The following RPTOR variants were observed in gnomAD, a reference collection of about 807,000 sequenced individuals.
RPTOR encodes the protein regulatory-associated protein of mTOR.
A neutral mutation model predicts 169.9 loss-of-function variants in RPTOR; 21 were observed. That is an observed-to-expected ratio of 0.12 (90% CI 0.09 to 0.18). RPTOR has a LOEUF of 0.18. Among genes scored for constraint, RPTOR ranks in the 10% least tolerant of loss-of-function variants. The probability of loss-of-function intolerance (pLI) is 1.00; values close to 1 mark genes in which losing one functional copy is unlikely to be tolerated. For synonymous variants in RPTOR, 732 were observed against 753.2 expected, an observed-to-expected ratio of 0.97 and a Z score of 0.46; for missense variants, 1,133 against 1,855.9, an observed-to-expected ratio of 0.61 and a Z score of 7.16.
At chr17:80,961,983 C>A (rs2069348959) in intron 31 of RPTOR, among the ~76,000 whole-genome samples, 1 of 152,152 alleles carries the variant, frequency 6.6e-6, no homozygotes, top group African/African-American at 2.4e-5. Context: ...ATATAAAAAC[C>A]AAACATAACT....
chr17:80,689,402 C>T (rs1044416975), intron 3 of RPTOR, among the ~76,000 whole-genome samples: 6 of 152,224 alleles, frequency 3.9e-5, no homozygotes, highest in Non-Finnish European at 7.3e-5. Context: ...TCCGTCTTTC[C>T]GAAGCCATCG....
At chr17:80,782,678 C>T (rs937788519) in intron 6 of RPTOR, among the ~76,000 whole-genome samples, 1 of 152,150 alleles carries the variant, frequency 6.6e-6, no homozygotes, top group African/African-American at 2.4e-5. Context: ...GCAGCCCTGG[C>T]TCTCAAGGGG....
At chr17:80,623,482 A>G (rs2065370397) in intron 1 of RPTOR, among the ~76,000 whole-genome samples, 1 of 152,182 alleles carries the variant, frequency 6.6e-6, no homozygotes, top group African/African-American at 2.4e-5. Context: ...CATTCATATA[A>G]TCAAATCAGA....
chr17:80,939,855 C>A (rs2069001845), intron 24 of RPTOR, among the ~76,000 whole-genome samples: 1 of 152,228 alleles, frequency 6.6e-6, no homozygotes, highest in African/African-American at 2.4e-5. Context: ...CCTCAGTGCC[C>A]CCCATTCCCT....
chr17:80,698,817 C>T (rs2066059047), intron 3 of RPTOR, among the ~76,000 whole-genome samples: 1 of 152,240 alleles, frequency 6.6e-6, no homozygotes, highest in South Asian at 2.1e-4. Flanking sequence ...GGAAGGCTGT[C>T]CCGGCCCTCA....
chr17:80,945,677 A>G lies in RPTOR; in HGVS notation c.3036A>G (p.Arg1012=). ...TGTTTCTTTTGACAGGCATTACGAGATTGGACGACCAAATATTTCTGAACA... is the reference window on the plus strand; with the variant it reads ...TGTTTCTTTTGACAGGCATTACGAGGTTGGACGACCAAATATTTCTGAACA... The part of the protein sequence containing the change: ...AQQVIQKGIT[R]LDDQIFLNRN... The change falls in exon 26 of 34, where the codon AGA becomes AGG. Residue 1012 remains arginine (R), a synonymous_variant. Transcript: ENST00000306801. 1 of 1,609,764 alleles carries G rather than the reference A, an allele frequency of 6.2e-7. No homozygotes were observed.
chr17:80,776,622 C>T (rs768752518), intron 6 of RPTOR, among the ~76,000 whole-genome samples: 2 of 152,112 alleles, frequency 1.3e-5, no homozygotes, highest in African/African-American at 4.8e-5. Flanking sequence ...CTGTGCCCGG[C>T]GCTGCCAAAC....
At chr17:80,623,818 G>A (rs1567825014) in intron 1 of RPTOR, among the ~76,000 whole-genome samples, 1 of 152,190 alleles carries the variant, frequency 6.6e-6, no homozygotes, top group Admixed American at 6.5e-5. Context: ...TTACAGGGGT[G>A]AGCCACCGTG....
chr17:80,643,457 T>A (rs1188830432), intron 2 of RPTOR, among the ~76,000 whole-genome samples: 1 of 152,216 alleles, frequency 6.6e-6, no homozygotes, highest in Non-Finnish European at 1.5e-5. Flanking sequence ...GCGGGAAAGC[T>A]GCAGGTGCCG....
intron 9 of RPTOR, among the ~76,000 whole-genome samples, chr17:80,831,734 TC>T (rs2067505933): frequency 1.3e-5 from 2 of 152,098 alleles, no homozygotes; most frequent in South Asian, 2.1e-4. Context: ...TGTCACTGTG[TC>T]ACTGTGTATC....
intron 25 of RPTOR, 67 bp from the exon 26 acceptor site, chr17:80,945,600 T>A (rs920539904): frequency 4.5e-5 from 46 of 1,019,922 alleles, no homozygotes; most frequent in South Asian, 1.4e-4. Flanking sequence ...TCAAAAAAAA[T>A]AAATAAATAA....
chr17:80,950,622 C>T (rs1318906097), intron 28 of RPTOR, among the ~76,000 whole-genome samples: 2 of 152,136 alleles, frequency 1.3e-5, no homozygotes, highest in African/African-American at 2.4e-5. Context: ...GCTCTGCTTC[C>T]CCTGCGAGGC....
rs369113025 is a variant in RPTOR, at chr17:80,754,060, G to T, written c.705G>T (p.Pro235=). The change falls in exon 6 of 34, where the codon CCG becomes CCT. Residue 235 remains proline (P), a synonymous_variant. Coordinates refer to ENST00000306801, the MANE Select transcript of RPTOR (RefSeq NM_020761.3). The surrounding 1 kb of genome is among the most constrained non-coding windows in gnomAD (Gnocchi z 4.2). Reference sequence around the variant, plus strand: ...CTCTTGCTCAGATGCCTTTGCCTCCGTCGATGAAAAACTGCATCCAGCTGG... The same window carrying T: ...CTCTTGCTCAGATGCCTTTGCCTCCTTCGATGAAAAACTGCATCCAGCTGG... The part of the protein sequence containing the change: ...NHPLAQMPLP[P]SMKNCIQLAA... 1 of 1,614,080 alleles carries T rather than the reference G, an allele frequency of 6.2e-7. No homozygotes were observed. Among genetic ancestry groups the T allele is most frequent in the South Asian group, 1.1e-5 (1 of 91,070 alleles).
At chr17:80,645,431 A>C (rs1241937466) in intron 3 of RPTOR, among the ~76,000 whole-genome samples, 1 of 152,250 alleles carries the variant, frequency 6.6e-6, no homozygotes, top group Non-Finnish European at 1.5e-5. Context: ...TTCTAGAATG[A>C]GTCTCTGCTA....
At chr17:80,618,295 T>A (rs2065328228) in intron 1 of RPTOR, among the ~76,000 whole-genome samples, 2 of 152,228 alleles carry the variant, frequency 1.3e-5, no homozygotes, top group Admixed American at 1.3e-4. Context: ...CCAAAACAGT[T>A]GCAGTTTCTA....
chr17:80,707,436 G>A lies in RPTOR; in HGVS notation c.349-405G>A, dbSNP rs1170720445. 6.6e-6 allele frequency among the ~76,000 whole-genome samples: 1 copy of A among 152,138 alleles called. No individual in the cohort carries two copies. The highest frequency in any genetic ancestry group is 2.4e-5 in the African/African-American group (1 of 41,404). On this transcript the variant is annotated intron_variant, in intron 3 of 33. Coordinates refer to ENST00000306801, the MANE Select transcript of RPTOR (RefSeq NM_020761.3). The surrounding 1 kb of genome is among the most constrained non-coding windows in gnomAD (Gnocchi z 5.0). ...TGTTTTTTTGAGACCATCTCACTCTGTCACTCAGGCTGGAGTACAGTGTTG... is the reference window on the plus strand; with the variant it reads ...TGTTTTTTTGAGACCATCTCACTCTATCACTCAGGCTGGAGTACAGTGTTG...
intron 10 of RPTOR, among the ~76,000 whole-genome samples, chr17:80,839,229 C>T (rs901993184): frequency 8.5e-5 from 13 of 152,188 alleles, no homozygotes; most frequent in African/African-American, 3.1e-4. Context: ...ATGATTTTGA[C>T]ATGTCCCACG....
intron 4 of RPTOR, among the ~76,000 whole-genome samples, chr17:80,723,050 T>C (rs558788507): frequency 2.5e-4 from 38 of 151,436 alleles, no homozygotes; most frequent in Non-Finnish European, 4.9e-4. Context: ...CATGATGAGA[T>C]TGAGGATCAA....
chr17:80,903,222 C>T (rs1481566031), intron 20 of RPTOR, among the ~76,000 whole-genome samples: 1 of 152,230 alleles, frequency 6.6e-6, no homozygotes, highest in Non-Finnish European at 1.5e-5. Context: ...GGGGCCCTGG[C>T]CAGCGGCAGA....
Sources: gnomAD v4.1 joint callset for allele counts (sites outside exome capture counted in the v4.1 genomes callset) on GRCh38, gnomAD v4.1.1 for gene constraint, Gnocchi (gnomAD v3.1) non-coding constraint, MANE v1.5 for transcripts, NCBI Gene and HGNC (gene_info 2026-07-23, HGNC 2026-07-21) for gene names.